The following SUPT3H variants were observed in gnomAD, a reference collection of about 807,000 sequenced individuals.
SUPT3H encodes the protein SPT3 homolog, SAGA and STAGA complex component.
Under a neutral mutation model 44.3 loss-of-function variants are expected in SUPT3H, and 44 were observed. That is an observed-to-expected ratio of 0.99 (90% CI 0.78 to 1.28). The LOEUF is 1.28. Ranked by LOEUF, SUPT3H falls within the 50% of genes most tolerant of loss-of-function variation. The probability of loss-of-function intolerance (pLI) is 0.00; values close to 1 mark genes in which losing one functional copy is unlikely to be tolerated. For synonymous variants in SUPT3H, 124 were observed against 125.6 expected (o/e 0.99, Z 0.09); for missense variants, 380 against 387.1 (o/e 0.98, Z 0.15).
intron 2 of SUPT3H, among the ~76,000 whole-genome samples, chr6:45,344,641 T>C (rs1289442740): frequency 6.6e-6 from 1 of 152,102 alleles, no homozygotes; most frequent in Non-Finnish European, 1.5e-5. Flanking sequence ...CCATTAAAAA[T>C]CAGGAATGTC....
chr6:45,183,751 C>G (rs1813687488), intron 2 of SUPT3H, among the ~76,000 whole-genome samples: 1 of 152,120 alleles, frequency 6.6e-6, no homozygotes, highest in African/African-American at 2.4e-5. Flanking sequence ...TATTCAGTAA[C>G]AAAAAGCTTA....
chr6:45,352,653 A>T (rs1194187021), intron 2 of SUPT3H, among the ~76,000 whole-genome samples: 1 of 152,166 alleles, frequency 6.6e-6, no homozygotes, highest in Non-Finnish European at 1.5e-5. Context: ...AGTACTATGG[A>T]GCAACTGTAC....
In SUPT3H at chr6:45,213,666, C is replaced by T. The variant is rs141591563; in HGVS notation, c.102-107660G>A. On this transcript the variant is annotated intron_variant, in intron 2 of 10. Transcript: ENST00000371459. ...TAAGCAAACTTTTAAGGATTATATC[C>T]TACGATAATTAATCAATCAAATTAT... is the stretch of plus-strand genomic sequence containing the variant. Among the ~76,000 whole-genome samples the T allele has an allele frequency of 1.6e-3, 248 of 151,990 alleles. 3 individuals carry two copies. Among genetic ancestry groups the T allele is most frequent in the African/African-American group, 5.8e-3 (242 of 41,500 alleles).
intron 6 of SUPT3H, among the ~76,000 whole-genome samples, chr6:44,976,173 T>G (rs1177066550): frequency 2.0e-5 from 3 of 150,178 alleles, no homozygotes; most frequent in African/African-American, 7.6e-5. Flanking sequence ...GGAAGAAAAT[T>G]TTTTTCCTGA....
At chr6:45,021,162 A>G (rs1030879275) in intron 3 of SUPT3H, among the ~76,000 whole-genome samples, 20 of 152,058 alleles carry the variant, frequency 1.3e-4, no homozygotes, top group East Asian at 1.9e-4. Context: ...TCCATAAATC[A>G]TAATACTGGA....
chr6:44,866,247 C>T (rs1775491826), intron 10 of SUPT3H, among the ~76,000 whole-genome samples: 1 of 151,512 alleles, frequency 6.6e-6, no homozygotes, highest in South Asian at 2.1e-4. Flanking sequence ...TACTTCTCTA[C>T]TCCATGACTT....
chr6:45,208,330 T>C (rs1562692799), intron 2 of SUPT3H, among the ~76,000 whole-genome samples: 2 of 152,124 alleles, frequency 1.3e-5, no homozygotes, highest in African/African-American at 2.4e-5. Flanking sequence ...GCCATCTCCA[T>C]AACATAAAAG....
At chr6:44,963,892 G>C (rs535705580) in intron 6 of SUPT3H, among the ~76,000 whole-genome samples, 2 of 151,648 alleles carry the variant, frequency 1.3e-5, no homozygotes, top group African/African-American at 4.8e-5. Flanking sequence ...CCAGCTACTC[G>C]GAGGCTGAGG....
chr6:44,816,966 C>T (rs990478391), intron 11 of SUPT3H, among the ~76,000 whole-genome samples: 4 of 151,956 alleles, frequency 2.6e-5, no homozygotes, highest in African/African-American at 7.3e-5. Context: ...GAGGCTGAGG[C>T]GAGAAGATGG....
chr6:44,862,790 G>A (rs1774880973), intron 10 of SUPT3H, among the ~76,000 whole-genome samples: 1 of 151,702 alleles, frequency 6.6e-6, no homozygotes, highest in Non-Finnish European at 1.5e-5. Context: ...TTTTGTATTT[G>A]TTAAAATATT....
chr6:45,040,602 C>CA (rs1788380001), intron 3 of SUPT3H, among the ~76,000 whole-genome samples: 1 of 152,022 alleles, frequency 6.6e-6, no homozygotes, highest in Non-Finnish European at 1.5e-5. Flanking sequence ...CAAAAACAAA[C>CA]AAAAAAGCTT....
chr6:45,119,398 G>C (rs1053147664), intron 2 of SUPT3H, among the ~76,000 whole-genome samples: 1 of 152,150 alleles, frequency 6.6e-6, no homozygotes, highest in Non-Finnish European at 1.5e-5. Flanking sequence ...GTCTAGGGAA[G>C]AGAAGGTATG....
intron 9 of SUPT3H, among the ~76,000 whole-genome samples, chr6:44,946,432 T>C (rs1773353155): frequency 6.6e-6 from 1 of 152,226 alleles, no homozygotes; most frequent in South Asian, 2.1e-4. Context: ...GATTCATTAT[T>C]CTACATGCCA....
At chr6:44,820,259 A>T (rs1206736784) in intron 11 of SUPT3H, among the ~76,000 whole-genome samples, 1 of 152,150 alleles carries the variant, frequency 6.6e-6, no homozygotes, top group East Asian at 1.9e-4. Flanking sequence ...TTGACATAAT[A>T]TTACTGAAAC....
Position 45,312,033 on chromosome 6 carries a change from G to T in SUPT3H, c.101+53168C>A, listed in dbSNP as rs138861307. ...TGCTCCACTTATAACATACAGAATT[G>T]CAGAATAGGTAAGAACTCACCAACC... On this transcript the variant is annotated intron_variant, in intron 2 of 10. Coordinates refer to ENST00000371459, the MANE Select transcript of SUPT3H (RefSeq NM_003599.4). Among the ~76,000 whole-genome samples, 354 of 152,224 alleles carry T rather than the reference G, an allele frequency of 2.3e-3. 1 individual carries two copies. The highest frequency in any genetic ancestry group is 7.8e-3 in the African/African-American group (323 of 41,540).
intron 2 of SUPT3H, among the ~76,000 whole-genome samples, chr6:45,119,005 TAGTTG>T (rs1801226367): frequency 6.6e-6 from 1 of 152,114 alleles, no homozygotes; most frequent in African/African-American, 2.4e-5. Context: ...CCAGTTATCG[TAGTTG>T]AGTTATCATA....
chr6:45,126,905 GC>G (rs1420475457), intron 2 of SUPT3H, among the ~76,000 whole-genome samples: 1 of 152,048 alleles, frequency 6.6e-6, no homozygotes, highest in East Asian at 1.9e-4. Context: ...GAAAAAGCTT[GC>G]CTAAAAAAAA....
At chr6:44,923,710 T>C (rs1158211641) in intron 10 of SUPT3H, among the ~76,000 whole-genome samples, 2 of 151,928 alleles carry the variant, frequency 1.3e-5, no homozygotes, top group Non-Finnish European at 2.9e-5. Context: ...AAAACAGAAC[T>C]GAATAATTTC....
chr6:45,264,448 T>A (rs1774923761), intron 2 of SUPT3H, among the ~76,000 whole-genome samples: 1 of 152,122 alleles, frequency 6.6e-6, no homozygotes, highest in Non-Finnish European at 1.5e-5. Flanking sequence ...TCACTTGAGA[T>A]CAGGAGTTCA....
Sources: gnomAD v4.1 joint callset for allele counts (sites outside exome capture counted in the v4.1 genomes callset) on GRCh38, gnomAD v4.1.1 for gene constraint, MANE v1.5 for transcripts, NCBI Gene and HGNC (gene_info 2026-07-23, HGNC 2026-07-21) for gene names.